Variants in PTPRD observed in about 807,000 individuals in gnomAD.
The protein encoded by PTPRD is protein tyrosine phosphatase receptor type D.
In PTPRD, 34 loss-of-function variants were observed where a neutral mutation model predicts 214.5. The observed-to-expected ratio is 0.16, with a 90% CI of 0.12 to 0.21. The LOEUF is 0.21. PTPRD is among the 10% of genes least tolerant of loss of function. The pLI is 1.00. For synonymous variants in PTPRD, 1,128 were observed against 845.7 expected (o/e 1.33, Z -5.79); for missense variants, 2,545 against 2,398.7 (o/e 1.06, Z -1.27).
At chr9:8,824,473 T>C (rs2097137303) in intron 11 of PTPRD, among the ~76,000 whole-genome samples, 1 of 152,194 alleles carries the variant, frequency 6.6e-6, no homozygotes, top group African/African-American at 2.4e-5. Flanking sequence ...TTTATAACTT[T>C]TGAGTTTTGA....
intron 12 of PTPRD, among the ~76,000 whole-genome samples, chr9:8,658,082 T>A (rs967644668): frequency 1.3e-5 from 2 of 152,158 alleles, no homozygotes; most frequent in African/African-American, 4.8e-5. Flanking sequence ...ATAACTGAAT[T>A]GAGAGAATAA....
At chr9:8,553,721 T>C (rs1372946162) in intron 14 of PTPRD, among the ~76,000 whole-genome samples, 5 of 152,162 alleles carry the variant, frequency 3.3e-5, no homozygotes, top group African/African-American at 1.2e-4. Context: ...TTTCTAACCA[T>C]AAAGCCCTAT....
intron 14 of PTPRD, among the ~76,000 whole-genome samples, chr9:8,609,682 C>G (rs2095369761): frequency 6.6e-6 from 1 of 152,120 alleles, no homozygotes; most frequent in South Asian, 2.1e-4. Flanking sequence ...CACATTTGAA[C>G]ATCACTATTT....
intron 8 of PTPRD, among the ~76,000 whole-genome samples, chr9:9,431,052 T>G (rs987732583): frequency 6.6e-6 from 1 of 152,120 alleles, no homozygotes; most frequent in African/African-American, 2.4e-5. Flanking sequence ...AATTGACAAA[T>G]GGGATCTAAT....
At chr9:9,452,097 T>C (rs933071204) in intron 8 of PTPRD, among the ~76,000 whole-genome samples, 15 of 151,464 alleles carry the variant, frequency 9.9e-5, no homozygotes, top group African/African-American at 3.6e-4. Context: ...TATATAACAA[T>C]CTATACCTAG....
chr9:9,563,116 G>C (rs2083401204), intron 8 of PTPRD, among the ~76,000 whole-genome samples: 1 of 152,120 alleles, frequency 6.6e-6, no homozygotes, highest in Admixed American at 6.5e-5. Context: ...AATATATAAT[G>C]TGTTTCAGTC....
intron 9 of PTPRD, among the ~76,000 whole-genome samples, chr9:9,201,526 G>C (rs1247092811): frequency 1.3e-5 from 2 of 151,780 alleles, no homozygotes; most frequent in Non-Finnish European, 2.9e-5. Flanking sequence ...GACATACATG[G>C]GGAATAGAGT....
At chr9:9,763,616 T>C (rs1597133878) in intron 6 of PTPRD, among the ~76,000 whole-genome samples, 2 of 152,256 alleles carry the variant, frequency 1.3e-5, no homozygotes, top group African/African-American at 4.8e-5. Context: ...ATCTTAGCTC[T>C]GTAAAAATAA....
intron 3 of PTPRD, among the ~76,000 whole-genome samples, chr9:10,325,159 T>C (rs1340547424): frequency 6.6e-6 from 1 of 151,944 alleles, no homozygotes; most frequent in Non-Finnish European, 1.5e-5. Flanking sequence ...TTCCAACAAA[T>C]AGTTTGGGGG....
chr9:8,533,325 C>A (rs909904641), intron 14 of PTPRD, among the ~76,000 whole-genome samples: 1 of 151,946 alleles, frequency 6.6e-6, no homozygotes, highest in Non-Finnish European at 1.5e-5. Context: ...CTGACCCCAA[C>A]TGATTTAACG....
chr9:9,160,115 G>C (rs2099885187), intron 10 of PTPRD, among the ~76,000 whole-genome samples: 1 of 152,074 alleles, frequency 6.6e-6, no homozygotes, highest in Non-Finnish European at 1.5e-5. Flanking sequence ...GAAAAGCTCT[G>C]CAACATTGTT....
chr9:10,423,183 T>C (rs1047315649), intron 2 of PTPRD, among the ~76,000 whole-genome samples: 5 of 151,866 alleles, frequency 3.3e-5, no homozygotes, highest in Non-Finnish European at 1.5e-5. Flanking sequence ...GAAACCATCA[T>C]TCTGAGTAAA....
At chr9:9,239,440 A>G (rs2099969192) in intron 9 of PTPRD, among the ~76,000 whole-genome samples, 2 of 152,182 alleles carry the variant, frequency 1.3e-5, no homozygotes, top group African/African-American at 4.8e-5. Flanking sequence ...AGGTCATAAA[A>G]TGATAAATCG....
chr9:9,721,783 A>G (rs2097953752), intron 7 of PTPRD, among the ~76,000 whole-genome samples: 1 of 152,128 alleles, frequency 6.6e-6, no homozygotes, highest in East Asian at 1.9e-4. Flanking sequence ...TGTTTGTTGG[A>G]AGGTGAATTA....
At chr9:9,871,800 G>A (rs2065525082) in intron 5 of PTPRD, among the ~76,000 whole-genome samples, 1 of 152,068 alleles carries the variant, frequency 6.6e-6, no homozygotes. Context: ...ACCTCCTTAG[G>A]CCCTAAGATT....
chr9:9,282,989 T>C (rs1446313331), intron 9 of PTPRD, among the ~76,000 whole-genome samples: 2 of 151,614 alleles, frequency 1.3e-5, no homozygotes, highest in Middle Eastern at 3.4e-3. Flanking sequence ...GGGGACAATA[T>C]CCACTCTCAT....
At chr9:10,134,966 A>G (rs2098931347) in intron 3 of PTPRD, among the ~76,000 whole-genome samples, 1 of 152,144 alleles carries the variant, frequency 6.6e-6, no homozygotes, top group Admixed American at 6.6e-5. Flanking sequence ...TTGAAACCCA[A>G]TCAAACGAAT....
At chr9:8,642,590 C>T (rs2096600942) in intron 12 of PTPRD, among the ~76,000 whole-genome samples, 1 of 152,124 alleles carries the variant, frequency 6.6e-6, no homozygotes, top group Non-Finnish European at 1.5e-5. Flanking sequence ...AGGATGAGAG[C>T]TCTGAAGGAG....
At chr9:8,938,974 C>T (rs1436536990) in intron 11 of PTPRD, among the ~76,000 whole-genome samples, 1 of 152,156 alleles carries the variant, frequency 6.6e-6, no homozygotes, top group Non-Finnish European at 1.5e-5. Context: ...CTTGCTGGCA[C>T]TCATAGTCCT....
Sources: allele counts gnomAD v4.1 joint callset (sites outside exome capture counted in the v4.1 genomes callset), GRCh38; gene constraint gnomAD v4.1.1; transcripts MANE v1.5; gene names NCBI Gene and HGNC (gene_info 2026-07-23, HGNC 2026-07-21).